The following TSC22D1 variants were observed in gnomAD, a reference collection of about 807,000 sequenced individuals.
TSC22D1 encodes TSC22 domain family member 1, also known as TSC22 domain family protein 1.
TSC22D1 carries 9 observed loss-of-function variants against 74.2 expected under a neutral mutation model. The ratio of observed to expected loss-of-function variants is 0.12; its 90% confidence interval spans 0.07 to 0.21. The LOEUF is 0.21. TSC22D1 is among the 10% of genes least tolerant of loss of function. TSC22D1 has a pLI of 1.00. For missense variants in TSC22D1, 1,427 were observed against 1,304.7 expected, an observed-to-expected ratio of 1.09 and a Z score of -1.44; for synonymous variants, 586 against 492.5, an observed-to-expected ratio of 1.19 and a Z score of -2.51.
intron 1 of TSC22D1, among the ~76,000 whole-genome samples, chr13:44,485,030 T>C (rs1419191514): frequency 1.3e-5 from 2 of 152,194 alleles, no homozygotes; most frequent in African/African-American, 4.8e-5. Context: ...ATGTAGAGTA[T>C]GTAAGATGAG....
At chr13:44,553,836 A>G (rs976017261) in intron 1 of TSC22D1, among the ~76,000 whole-genome samples, 2 of 152,224 alleles carry the variant, frequency 1.3e-5, no homozygotes, top group African/African-American at 4.8e-5. Flanking sequence ...GCTCCACTGT[A>G]TGTAATGAAT....
intron 1 of TSC22D1, chr13:44,436,775 T>A (rs1464685851): frequency 2.7e-6 from 4 of 1,465,622 alleles, no homozygotes; most frequent in Non-Finnish European, 2.7e-6. Context: ...CTTCTAGGGC[T>A]TGATGATCCC....
chr13:44,509,286 C>T (rs1035887182), intron 1 of TSC22D1, among the ~76,000 whole-genome samples: 2 of 152,140 alleles, frequency 1.3e-5, no homozygotes, highest in Admixed American at 6.5e-5. Context: ...GAGGGTAGGA[C>T]GCTGGTGATG....
At chr13:44,503,556 AAT>A (rs1470117629) in intron 1 of TSC22D1, among the ~76,000 whole-genome samples, 1 of 152,230 alleles carries the variant, frequency 6.6e-6, no homozygotes, top group Non-Finnish European at 1.5e-5. Flanking sequence ...CAGTTGTCCC[AAT>A]AGTTTTCTTC....
At chr13:44,497,237 G>A (rs1288001302) in intron 1 of TSC22D1, among the ~76,000 whole-genome samples, 1 of 152,130 alleles carries the variant, frequency 6.6e-6, no homozygotes, top group Admixed American at 6.5e-5. Context: ...GTACTGATTT[G>A]TATTATAATA....
At chr13:44,475,431 G>A (rs1480949969) in intron 1 of TSC22D1, among the ~76,000 whole-genome samples, 18 of 149,898 alleles carry the variant, frequency 1.2e-4, no homozygotes, top group African/African-American at 4.2e-4. Flanking sequence ...GGCAGGGTGG[G>A]AGGGTCAGGA....
intron 1 of TSC22D1, chr13:44,539,171 G>A (rs1881320256): frequency 1.0e-6 from 1 of 985,066 alleles, no homozygotes; most frequent in Admixed American, 6.2e-5. Flanking sequence ...ATTAAACATA[G>A]CTTTCAGGGA....
intron 1 of TSC22D1, among the ~76,000 whole-genome samples, chr13:44,443,556 T>C (rs1875377740): frequency 6.6e-6 from 1 of 152,162 alleles, no homozygotes; most frequent in African/African-American, 2.4e-5. Flanking sequence ...AAATCTAAGA[T>C]AACTGACTGT....
At chr13:44,499,684 T>C (rs186511974) in intron 1 of TSC22D1, among the ~76,000 whole-genome samples, 107 of 152,360 alleles carry the variant, frequency 7.0e-4, no homozygotes, top group African/African-American at 2.5e-3. Flanking sequence ...GCAAACATTT[T>C]CTCAATGCCA....
At chr13:44,548,428 G>A (rs1303601012) in intron 1 of TSC22D1, among the ~76,000 whole-genome samples, 1 of 152,170 alleles carries the variant, frequency 6.6e-6, no homozygotes, top group African/African-American at 2.4e-5. Context: ...TAAATACTTA[G>A]TGTATGATAA....
At chr13:44,479,867 G>A (rs959035945) in intron 1 of TSC22D1, among the ~76,000 whole-genome samples, 12 of 152,244 alleles carry the variant, frequency 7.9e-5, no homozygotes, top group Admixed American at 7.2e-4. Flanking sequence ...TCTACAGCAT[G>A]CCATCCTATT....
intron 1 of TSC22D1, among the ~76,000 whole-genome samples, chr13:44,524,253 T>G (rs1420825722): frequency 6.6e-6 from 1 of 151,596 alleles, no homozygotes; most frequent in Non-Finnish European, 1.5e-5. Flanking sequence ...CTAGTGAAGC[T>G]GTCACTCCTG....
At position 44,434,710 on chromosome 13, in the gene TSC22D1, G is replaced by A. The variant is rs376751822; in HGVS notation, c.3138C>T (p.Gly1046=). ...LAQFQAQLQT[G]SPPATTQPQG... is the part of the protein sequence containing the mutation. ...GTGGCTGGGTGGTGGCAGGGGGGGA[G>A]CCAGTCTGCAGCTGGGCCTGAAACT... Residue 1046 remains glycine, a synonymous_variant, in exon 3 of 3, where the codon GGC becomes GGT. Transcript: ENST00000458659. The A allele has an allele frequency of 4.3e-6, 7 of 1,611,870 alleles. No individual in the cohort carries two copies. Among genetic ancestry groups the A allele is most frequent in the African/African-American group, 2.7e-5 (2 of 74,872 alleles).
intron 1 of TSC22D1, among the ~76,000 whole-genome samples, chr13:44,482,334 A>G (rs1382812712): frequency 6.6e-6 from 1 of 152,192 alleles, no homozygotes; most frequent in East Asian, 1.9e-4. Flanking sequence ...CAGGAGTTCG[A>G]GACCAGTCTG....
chr13:44,522,020 C>T (rs1177468415), intron 1 of TSC22D1, among the ~76,000 whole-genome samples: 1 of 152,106 alleles, frequency 6.6e-6, no homozygotes, highest in African/African-American at 2.4e-5. Context: ...AATAGACCAA[C>T]AATATATGCT....
At chr13:44,554,792 C>T (rs1371840295) in intron 1 of TSC22D1, among the ~76,000 whole-genome samples, 1 of 152,092 alleles carries the variant, frequency 6.6e-6, no homozygotes, top group African/African-American at 2.4e-5. Context: ...GCAAACTGCA[C>T]CAAATGTTTA....
chr13:44,493,005 C>A (rs753449358), intron 1 of TSC22D1, among the ~76,000 whole-genome samples: 2 of 152,108 alleles, frequency 1.3e-5, no homozygotes, highest in Non-Finnish European at 2.9e-5. Flanking sequence ...AAAAAAATCA[C>A]CCACGGGAGT....
Position 44,573,775 on chromosome 13 carries a change from G to A in TSC22D1, c.2300C>T (p.Pro767Leu). The A allele has an allele frequency of 6.2e-7, 1 of 1,614,252 alleles. No homozygotes were observed. The highest frequency in any genetic ancestry group is 1.1e-5 in the South Asian group (1 of 91,088). The change falls in exon 1 of 3, where the codon CCT becomes CTT. Residue 767 changes from proline (P) to leucine (L), a missense_variant. Transcript: ENST00000458659. ...GAPPSSQVVPPAQTGIIHQGV... is the reference protein window; with the variant it reads ...GAPPSSQVVPLAQTGIIHQGV... Reference sequence around the variant, plus strand: ...CTGATGAATAATCCCAGTTTGAGCAGGTGGAACCACTTGCGAAGATGGAGG... The same window carrying A: ...CTGATGAATAATCCCAGTTTGAGCAAGTGGAACCACTTGCGAAGATGGAGG...
Position 44,468,446 on chromosome 13 carries a change from T to C in TSC22D1, c.2913-32351A>G, listed in dbSNP as rs1877418528. Among the ~76,000 whole-genome samples, 2 of 149,960 alleles carry C rather than the reference T, an allele frequency of 1.3e-5. 1 individual carries two copies. Among genetic ancestry groups the C allele is most frequent in the Non-Finnish European group, 3.0e-5 (2 of 66,916 alleles). ...ATGCTAGGCAATTTTCTAAGCACTT[T>C]GTATGTATCATCTTATTTCGTTCCT... On this transcript the variant is annotated intron_variant, in intron 1 of 2. Coordinates refer to ENST00000458659, the MANE Select transcript of TSC22D1 (RefSeq NM_183422.4).
Sources: gnomAD v4.1 joint callset for allele counts (sites outside exome capture counted in the v4.1 genomes callset) on GRCh38, gnomAD v4.1.1 for gene constraint, MANE v1.5 for transcripts, NCBI Gene and HGNC (gene_info 2026-07-23, HGNC 2026-07-21) for gene names.